Variants in KCNQ5 observed in about 807,000 individuals in gnomAD.
The protein encoded by KCNQ5 is potassium voltage-gated channel subfamily KQT member 5.
In KCNQ5, 30 loss-of-function variants were observed where a neutral mutation model predicts 98.2. The observed-to-expected ratio is 0.31, with a 90% CI of 0.23 to 0.41. The LOEUF is 0.41. Ranked by LOEUF, KCNQ5 falls within the 10% of genes least tolerant of loss-of-function variation. KCNQ5 has a pLI of 1.00. For synonymous variants in KCNQ5, 458 were observed against 449.4 expected (o/e 1.02, Z -0.24); for missense variants, 835 against 1,182.5 (o/e 0.71, Z 4.31).
At position 72,950,997 on chromosome 6, in the gene KCNQ5, C is replaced by A. The variant is rs890055670; in HGVS notation, c.399-52911C>A. On this transcript the variant is annotated intron_variant, in intron 1 of 13. Transcript: ENST00000370398. ...CCTTTTTTGTTACTGCTGCTTAGAG[C>A]TGAGAATCCCTGTTTTCTGAAAACT... is the stretch of plus-strand genomic sequence containing the variant. Among the ~76,000 whole-genome samples the A allele has an allele frequency of 3.3e-5, 5 of 152,266 alleles. No homozygotes were observed. In the East Asian group the frequency reaches 9.6e-4, roughly 29 times the overall value.
intron 7 of KCNQ5, among the ~76,000 whole-genome samples, chr6:73,119,545 A>G (rs1215312744): frequency 6.6e-6 from 1 of 152,224 alleles, no homozygotes; most frequent in Non-Finnish European, 1.5e-5. Flanking sequence ...TTTTGCAGCT[A>G]TACACCTAGA....
rs1298678523 is a variant in KCNQ5 at position 72,801,028 on chromosome 6, G to A, written c.398+178441G>A. ...ATTTCTGTTCTTTTACATTTGCTGA[G>A]GAGAGCTTTACTTCCAACTATGTGG... is the stretch of plus-strand genomic sequence containing the variant. On this transcript the variant is annotated intron_variant, in intron 1 of 13. Transcript: ENST00000370398. Among the ~76,000 whole-genome samples the A allele has an allele frequency of 3.5e-4, 53 of 152,146 alleles. 1 individual carries two copies. In the East Asian group the frequency reaches 8.7e-3, roughly 25 times the overall value.
chr6:72,647,759 T>A (rs1357634312), intron 1 of KCNQ5, among the ~76,000 whole-genome samples: 2 of 152,222 alleles, frequency 1.3e-5, no homozygotes, highest in African/African-American at 4.8e-5. Flanking sequence ...TTCTCTTATT[T>A]GTAAGTTCCT....
chr6:72,952,446 G>A (rs184125757), intron 1 of KCNQ5, among the ~76,000 whole-genome samples: 5 of 152,198 alleles, frequency 3.3e-5, no homozygotes, highest in African/African-American at 1.2e-4. Context: ...AATAAACATA[G>A]CTCATAACTT....
At chr6:73,084,104 G>A (rs1052612196) in intron 5 of KCNQ5, among the ~76,000 whole-genome samples, 1 of 152,134 alleles carries the variant, frequency 6.6e-6, no homozygotes, top group Non-Finnish European at 1.5e-5. Context: ...CACCCGAGAT[G>A]AACAGAGTCA....
intron 1 of KCNQ5, among the ~76,000 whole-genome samples, chr6:72,962,141 G>A (rs536745683): frequency 1.3e-5 from 2 of 149,430 alleles, no homozygotes; most frequent in African/African-American, 4.9e-5. Flanking sequence ...TCATGCCACT[G>A]CACTCTAACC....
chr6:73,014,146 G>A (rs967088112), intron 2 of KCNQ5, among the ~76,000 whole-genome samples: 2 of 152,116 alleles, frequency 1.3e-5, no homozygotes, highest in African/African-American at 4.8e-5. Context: ...AAGGTTGTAG[G>A]TTTTAGCATT....
chr6:72,763,191 T>C (rs10046418), intron 1 of KCNQ5, among the ~76,000 whole-genome samples: 49,161 of 151,776 alleles, frequency 0.32, 12,606 homozygotes, highest in African/African-American at 0.72. Context: ...GCACTCTGGG[T>C]CCTGGGTGTG....
intron 2 of KCNQ5, among the ~76,000 whole-genome samples, chr6:73,005,582 C>T (rs1769775735): frequency 6.6e-6 from 1 of 152,128 alleles, no homozygotes; most frequent in Admixed American, 6.5e-5. Context: ...TCCAAAGAAA[C>T]CCATGTAATC....
chr6:72,834,199 C>A (rs1776408079), intron 1 of KCNQ5, among the ~76,000 whole-genome samples: 1 of 151,916 alleles, frequency 6.6e-6, no homozygotes, highest in Non-Finnish European at 1.5e-5. Context: ...ATTCTCTGTA[C>A]TTTTCTGCAT....
chr6:72,751,201 A>G (rs1224472049), intron 1 of KCNQ5, among the ~76,000 whole-genome samples: 6 of 152,156 alleles, frequency 3.9e-5, no homozygotes, highest in Middle Eastern at 3.4e-3. Flanking sequence ...TTTTTTATTG[A>G]AATACTGAAA....
intron 1 of KCNQ5, among the ~76,000 whole-genome samples, chr6:72,725,132 T>TA (rs1039418940): frequency 5.3e-5 from 8 of 151,990 alleles, no homozygotes; most frequent in East Asian, 1.9e-4. Context: ...GTGGTTTCTA[T>TA]AAAAAAAATC....
chr6:73,067,073 T>C (rs893882814), intron 3 of KCNQ5, among the ~76,000 whole-genome samples: 6 of 152,196 alleles, frequency 3.9e-5, no homozygotes, highest in Non-Finnish European at 8.8e-5. Context: ...TACCTGAATA[T>C]CAACTATTTG....
chr6:72,983,353 G>A (rs2150300791), intron 1 of KCNQ5, among the ~76,000 whole-genome samples: 1 of 152,172 alleles, frequency 6.6e-6, no homozygotes, highest in East Asian at 1.9e-4. Flanking sequence ...CACATTTCTT[G>A]GAGGCTTTGT....
At chr6:73,172,685 G>T (rs1322964631) in intron 11 of KCNQ5, among the ~76,000 whole-genome samples, 1 of 152,220 alleles carries the variant, frequency 6.6e-6, no homozygotes, top group Non-Finnish European at 1.5e-5. Context: ...GTATGTATAT[G>T]TATATTACAG....
intron 1 of KCNQ5, among the ~76,000 whole-genome samples, chr6:72,637,702 A>C (rs915074721): frequency 2.0e-5 from 3 of 152,204 alleles, no homozygotes; most frequent in Middle Eastern, 3.2e-3. Context: ...CCTGATGATA[A>C]AATTCTATAG....
intron 3 of KCNQ5, among the ~76,000 whole-genome samples, chr6:73,059,156 A>T (rs556486276): frequency 6.6e-6 from 1 of 152,360 alleles, no homozygotes; most frequent in African/African-American, 2.4e-5. Flanking sequence ...AAGACATGAA[A>T]TCAACCTACA....
intron 1 of KCNQ5, chr6:72,987,242 G>A: frequency 2.9e-6 from 2 of 690,596 alleles, no homozygotes; most frequent in Admixed American, 1.8e-5. Context: ...AAGAGAGTGG[G>A]GCAGCAAGAG....
chr6:72,689,532 A>G (rs563198455), intron 1 of KCNQ5, among the ~76,000 whole-genome samples: 2 of 152,350 alleles, frequency 1.3e-5, no homozygotes, highest in African/African-American at 2.4e-5. Context: ...GAGACCCACA[A>G]TGGAACATTT....
Sources: allele counts gnomAD v4.1 joint callset (sites outside exome capture counted in the v4.1 genomes callset), GRCh38; gene constraint gnomAD v4.1.1; transcripts MANE v1.5; gene names NCBI Gene and HGNC (gene_info 2026-07-23, HGNC 2026-07-21).